SEPHS1: variants seen among roughly 807,000 people sequenced by gnomAD.
The protein encoded by SEPHS1 is selenophosphate synthetase 1, also known as zincore component SEPHS1.
Under a neutral mutation model 39.2 loss-of-function variants are expected in SEPHS1, and 7 were observed. The observed-to-expected ratio is 0.18, with a 90% confidence interval of 0.10 to 0.34. The LOEUF (loss-of-function observed/expected upper bound fraction) is 0.34, where lower values mean the gene tolerates loss of function less well. Ranked by LOEUF, SEPHS1 falls within the 10% of genes least tolerant of loss-of-function variation. The probability of loss-of-function intolerance (pLI) is 1.00; values close to 1 mark genes in which losing one functional copy is unlikely to be tolerated. For synonymous variants in SEPHS1, 190 were observed against 195.5 expected (o/e 0.97, Z 0.23); for missense variants, 253 against 514.5 (o/e 0.49, Z 4.92).
intron 3 of SEPHS1, 136 bp from the exon 4 acceptor site, chr10:13,336,486 T>A: frequency 1.4e-6 from 1 of 694,780 alleles, no homozygotes; most frequent in South Asian, 1.6e-5. Context: ...GGGTCCTCAG[T>A]TTCTATGATT....
In SEPHS1 at chr10:13,348,043, G is replaced by C. The variant is rs1034795067; in HGVS notation, c.-122C>G. On this transcript the variant is annotated 5_prime_UTR_variant, in exon 1 of 9. Coordinates refer to ENST00000327347, the MANE Select transcript of SEPHS1 (RefSeq NM_012247.5). ...CCGCCTCCTCCCGAAAACGGGCCGCGGGCCGCTCCCACAATGCACCGGGCG... is the reference window on the plus strand; with the variant it reads ...CCGCCTCCTCCCGAAAACGGGCCGCCGGCCGCTCCCACAATGCACCGGGCG... The C allele has an allele frequency of 6.7e-6, 1 of 148,388 alleles. No individual in the cohort carries two copies. The highest frequency in any genetic ancestry group is 2.5e-5 in the African/African-American group (1 of 40,742). The allele number at this position is 148,388 out of a possible 1,614,324, so 9.2% of individuals were successfully genotyped here.
chr10:13,323,147 A>G (rs1256785285), intron 7 of SEPHS1, 100 bp from the exon 8 acceptor site: 24 of 919,192 alleles, frequency 2.6e-5, no homozygotes, highest in Non-Finnish European at 4.0e-5. Flanking sequence ...TGTCAGGGAG[A>G]TGACGTATCG....
chr10:13,332,513 T>A (rs2130665121), intron 5 of SEPHS1, among the ~76,000 whole-genome samples: 1 of 152,300 alleles, frequency 6.6e-6, no homozygotes, highest in South Asian at 2.1e-4. Flanking sequence ...CTATGTTATG[T>A]GAAATTTTGT....
chr10:13,322,034 A>C, intron 8 of SEPHS1: 1 of 455,778 alleles, frequency 2.2e-6, no homozygotes, highest in Non-Finnish European at 4.4e-6. Flanking sequence ...TTTATCCTCC[A>C]TTTATGTTTC....
chr10:13,322,120 T>C (rs1833135906), intron 8 of SEPHS1: 1 of 432,966 alleles, frequency 2.3e-6, no homozygotes, highest in Non-Finnish European at 4.5e-6. Context: ...TGCATTCTTT[T>C]TTATTCTGTA....
chr10:13,322,382 G>A (rs956889052), intron 8 of SEPHS1, among the ~76,000 whole-genome samples: 1 of 151,982 alleles, frequency 6.6e-6, no homozygotes, highest in Non-Finnish European at 1.5e-5. Flanking sequence ...CTGATCTCAC[G>A]TGATGTGCCT....
At chr10:13,338,602 GA>G (rs1833706768) in intron 3 of SEPHS1, 102 bp downstream of exon 3, 1 of 900,760 alleles carries the variant, frequency 1.1e-6, no homozygotes, top group East Asian at 2.4e-5. Context: ...GGATATAACA[GA>G]AATAAAACCA....
intron 5 of SEPHS1, 73 bp from the exon 6 acceptor site, chr10:13,329,861 A>G (rs995515875): frequency 5.7e-6 from 7 of 1,234,908 alleles, no homozygotes; most frequent in Non-Finnish European, 7.0e-6. Flanking sequence ...AACACAAGAG[A>G]AGGAATAATC....
rs115897381 is a variant in SEPHS1 at position 13,320,672 on chromosome 10, C to T, written c.965-1316G>A. On this transcript the variant is annotated intron_variant, in intron 8 of 8. Transcript: ENST00000327347. ...CAGCCTGGCCAACATGGTAAAACCT[C>T]GTCTCTAAATTAGCTGGGCATGATG... is the stretch of plus-strand genomic sequence containing the variant. Among the ~76,000 whole-genome samples the T allele has an allele frequency of 5.9e-3, 889 of 151,862 alleles. 4 individuals carry two copies. The highest frequency in any genetic ancestry group is 0.02 in the African/African-American group (841 of 41,456).
At chr10:13,323,821 A>G (rs1354672235) in intron 7 of SEPHS1, among the ~76,000 whole-genome samples, 2 of 150,506 alleles carry the variant, frequency 1.3e-5, no homozygotes, top group African/African-American at 4.9e-5. Flanking sequence ...AACTCACTGC[A>G]CTTGGGCTCA....
intron 2 of SEPHS1, among the ~76,000 whole-genome samples, chr10:13,341,170 T>C (rs1287045836): frequency 6.6e-6 from 1 of 152,138 alleles, no homozygotes; most frequent in African/African-American, 2.4e-5. Context: ...ACCAATCACA[T>C]TTCAAGGAAG....
At chr10:13,327,895 G>A (rs188846451) in intron 7 of SEPHS1, among the ~76,000 whole-genome samples, 2 of 152,260 alleles carry the variant, frequency 1.3e-5, no homozygotes, top group African/African-American at 4.8e-5. Context: ...AAGAACACAA[G>A]GGCTGTGCAA....
At chr10:13,339,451 G>C (rs940003014) in intron 2 of SEPHS1, among the ~76,000 whole-genome samples, 3 of 151,974 alleles carry the variant, frequency 2.0e-5, no homozygotes, top group African/African-American at 7.3e-5. Context: ...GTCAAGATAC[G>C]CTACTCCTTG....
At chr10:13,344,052 C>T (rs1336293228) in intron 2 of SEPHS1, among the ~76,000 whole-genome samples, 1 of 152,098 alleles carries the variant, frequency 6.6e-6, no homozygotes, top group African/African-American at 2.4e-5. Context: ...AAGACATTGC[C>T]CTGGTTCCAG....
At chr10:13,322,116 C>A in intron 8 of SEPHS1, 1 of 423,554 alleles carries the variant, frequency 2.4e-6, no homozygotes, top group South Asian at 1.7e-5. Context: ...CTATTGCATT[C>A]TTTTTTATTC....
At chr10:13,340,562 CAGTA>C (rs1833753267) in intron 2 of SEPHS1, 1 of 152,170 alleles carries the variant, frequency 6.6e-6, no homozygotes, top group South Asian at 2.1e-4. Flanking sequence ...CTTTGGAAAA[CAGTA>C]AGAGGCAGTT....
intron 7 of SEPHS1, among the ~76,000 whole-genome samples, chr10:13,328,051 A>C (rs950611926): frequency 2.6e-5 from 4 of 152,082 alleles, no homozygotes; most frequent in African/African-American, 9.7e-5. Context: ...AAACTTTCTA[A>C]ATTTCCATTC....
rs72783316 is a variant in SEPHS1, at chr10:13,339,826, T to C, written c.194-1018A>G. Among the ~76,000 whole-genome samples the C allele has an allele frequency of 2.4e-3, 358 of 152,296 alleles. 3 individuals are homozygous for C. Among genetic ancestry groups the C allele is most frequent in the Non-Finnish European group, 3.3e-3 (223 of 68,018 alleles). ...TTATGCTGTACTGTTTAGGGAATAA[T>C]GACAAGACAAAAAAAAGTCTGTGCA... On this transcript the variant is annotated intron_variant, in intron 2 of 8. Coordinates refer to ENST00000327347, the MANE Select transcript of SEPHS1 (RefSeq NM_012247.5).
Position 13,335,445 on chromosome 10 carries a change from C to T in SEPHS1, c.405+798G>A, listed in dbSNP as rs536909853. Among the ~76,000 whole-genome samples, 201 of 145,742 alleles carry T rather than the reference C, an allele frequency of 1.4e-3. 1 individual carries two copies. The highest frequency in any genetic ancestry group is 2.3e-3 in the Non-Finnish European group (153 of 65,848). ...CTTTGGGAGGCCGAAGTGGGTGGAT[C>T]ACGAGCTCAGGAGTTCGAGACCAGC... On this transcript the variant is annotated intron_variant, in intron 4 of 8. Coordinates refer to ENST00000327347, the MANE Select transcript of SEPHS1 (RefSeq NM_012247.5).
Sources: allele counts gnomAD v4.1 joint callset (sites outside exome capture counted in the v4.1 genomes callset), GRCh38; gene constraint gnomAD v4.1.1; transcripts MANE v1.5; gene names NCBI Gene and HGNC (gene_info 2026-07-23, HGNC 2026-07-21).